Variants in MERTK observed in about 807,000 individuals in gnomAD.
MERTK encodes the protein MER proto-oncogene, tyrosine kinase.
Under a neutral mutation model 99.3 loss-of-function variants are expected in MERTK, and 69 were observed. The observed-to-expected ratio is 0.70, with a 90% CI of 0.57 to 0.85. The LOEUF (loss-of-function observed/expected upper bound fraction) is 0.85. MERTK is among the 40% of genes least tolerant of loss of function. MERTK has a pLI of 0.00. For synonymous variants in MERTK, 426 were observed against 467.6 expected (o/e 0.91, Z 1.15); for missense variants, 1,125 against 1,249.4 (o/e 0.90, Z 1.50).
At chr2:111,940,824 T>C (rs879001672) in intron 2 of MERTK, 67 of 990,080 alleles carry the variant, frequency 6.8e-5, no homozygotes, top group Non-Finnish European at 1.0e-4. Flanking sequence ...CTTGAATCTT[T>C]AAACGACAGT....
At chr2:111,921,470 A>C (rs1024100001) in intron 1 of MERTK, among the ~76,000 whole-genome samples, 1 of 150,796 alleles carries the variant, frequency 6.6e-6, no homozygotes, top group African/African-American at 2.4e-5. Flanking sequence ...ACTGCACTCC[A>C]GCCTGGGCTG....
intron 1 of MERTK, among the ~76,000 whole-genome samples, chr2:111,913,679 G>A (rs1261716842): frequency 6.6e-6 from 1 of 152,146 alleles, no homozygotes; most frequent in Non-Finnish European, 1.5e-5. Flanking sequence ...GAGTAGCTGG[G>A]ATTACAGGCG....
In MERTK at chr2:112,000,196, CG is replaced by C. The variant is rs1382951682; in HGVS notation, c.1605-1004del. On this transcript the variant is annotated intron_variant, in intron 10 of 18. Transcript: ENST00000295408. ...TTGCTTCAGGCCATCTGGGTGTATA[CG>C]TGCAGGTCACAGGGGATATGATGGC... Among the ~76,000 whole-genome samples the C allele has an allele frequency of 5.3e-5, 8 of 152,294 alleles. No homozygotes were observed. In the South Asian group the frequency reaches 1.5e-3, roughly 28 times the overall value.
intron 18 of MERTK, among the ~76,000 whole-genome samples, chr2:112,026,889 C>T (rs151314949): frequency 2.0e-5 from 3 of 152,228 alleles, no homozygotes; most frequent in Non-Finnish European, 2.9e-5. Flanking sequence ...TATTTCTGTT[C>T]GTAAGATGCT....
chr2:111,953,093 T>G (rs910687171), intron 4 of MERTK, among the ~76,000 whole-genome samples: 1 of 152,182 alleles, frequency 6.6e-6, no homozygotes, highest in Admixed American at 6.5e-5. Flanking sequence ...AGGAGAGCAC[T>G]TGCGGCAGCA....
At chr2:111,913,519 T>A (rs964239982) in intron 1 of MERTK, among the ~76,000 whole-genome samples, 1 of 152,218 alleles carries the variant, frequency 6.6e-6, no homozygotes, top group Non-Finnish European at 1.5e-5. Flanking sequence ...GAGACTTTTT[T>A]ATAGATTCCT....
Position 112,010,079 on chromosome 2 carries a change from TTG to T in MERTK, c.2079+17_2079+18del, listed in dbSNP as rs1301133273. On this transcript the variant is annotated intron_variant, in intron 15 of 18. Transcript: ENST00000295408. ...GACAGGACCAAAGGTAATGATCTCC[TTG>T]TGTTACCCCTGAACACTTCTCAGGG... The T allele has an allele frequency of 6.4e-7, 1 of 1,556,302 alleles. No individual in the cohort carries two copies. Among genetic ancestry groups the T allele is most frequent in the Non-Finnish European group, 8.9e-7 (1 of 1,127,746 alleles).
chr2:112,010,361 C>T (rs770083820), intron 15 of MERTK: 120 of 373,386 alleles, frequency 3.2e-4, no homozygotes, highest in Non-Finnish European at 5.4e-4. Flanking sequence ...CTTCACAACC[C>T]TCATGGCCGC....
intron 15 of MERTK, among the ~76,000 whole-genome samples, chr2:112,016,989 A>G (rs1677229198): frequency 6.6e-6 from 1 of 152,170 alleles, no homozygotes; most frequent in Non-Finnish European, 1.5e-5. Flanking sequence ...GATGGCATGG[A>G]CCCAAAGAGT....
At chr2:111,941,443 T>C (rs1022529944) in intron 2 of MERTK, among the ~76,000 whole-genome samples, 5 of 152,200 alleles carry the variant, frequency 3.3e-5, no homozygotes, top group Admixed American at 3.3e-4. Flanking sequence ...TCTTCAGTGC[T>C]GGGGCACTTT....
intron 4 of MERTK, chr2:111,952,701 A>G (rs775408747): frequency 7.2e-5 from 11 of 152,168 alleles, no homozygotes; most frequent in Admixed American, 3.3e-4. Flanking sequence ...TTATTGTTCC[A>G]GTTTTAGTGT....
chr2:112,004,645 C>T (rs908032367), intron 13 of MERTK, among the ~76,000 whole-genome samples: 2 of 152,174 alleles, frequency 1.3e-5, no homozygotes, highest in Admixed American at 6.5e-5. Flanking sequence ...GGCACGGTGG[C>T]TCACGCCTGG....
At chr2:111,933,850 C>A (rs1684717733) in intron 2 of MERTK, among the ~76,000 whole-genome samples, 2 of 151,872 alleles carry the variant, frequency 1.3e-5, no homozygotes. Context: ...AGGTATTTCT[C>A]CTAATGCTAT....
chr2:111,964,039 C>CTTTTTTTTTTTTT (rs1553451938), intron 4 of MERTK, among the ~76,000 whole-genome samples: 3 of 40,500 alleles, frequency 7.4e-5, no homozygotes, highest in Non-Finnish European at 1.2e-4. Flanking sequence ...CAAAAATTTT[C>CTTTTTTTTTTTTT]TTTCTTTTTT....
In MERTK at chr2:111,959,596, G is replaced by C. The variant is rs139945581; in HGVS notation, c.758-5595G>C. 6.5e-3 allele frequency among the ~76,000 whole-genome samples: 983 copies of C among 152,150 alleles called. 13 individuals are homozygous for C. The highest frequency in any genetic ancestry group is 0.023 in the African/African-American group (947 of 41,492). On this transcript the variant is annotated intron_variant, in intron 4 of 18. Coordinates refer to ENST00000295408, the MANE Select transcript of MERTK (RefSeq NM_006343.3). ...TCAGGTGATTCAGCCATCTCAACCTGCCAAGTAGCTGGGAATACAGGTGCA... is the reference window on the plus strand; with the variant it reads ...TCAGGTGATTCAGCCATCTCAACCTCCCAAGTAGCTGGGAATACAGGTGCA...
At position 111,925,445 on chromosome 2, in the gene MERTK, G is replaced by A. The variant is rs1267765583; in HGVS notation, c.62-3675G>A. ...GCCTCCTGAGTAGCTGGGATTACAG[G>A]CACCCACCACTACGCTTGGCTAAAT... On this transcript the variant is annotated intron_variant, in intron 1 of 18. Coordinates refer to ENST00000295408, the MANE Select transcript of MERTK (RefSeq NM_006343.3). 2.7e-5 allele frequency among the ~76,000 whole-genome samples: 4 copies of A among 150,722 alleles called. No individual in the cohort carries two copies. The East Asian group carries it at 7.8e-4, about 29-fold the overall frequency.
chr2:111,983,461 G>A (rs1242990004), intron 8 of MERTK, among the ~76,000 whole-genome samples: 1 of 152,218 alleles, frequency 6.6e-6, no homozygotes, highest in Admixed American at 6.5e-5. Context: ...ATGGCAAGAA[G>A]TAAGCAGACA....
chr2:111,929,658 C>T (rs1323356786), intron 2 of MERTK, 118 bp downstream of exon 2: 1 of 782,344 alleles, frequency 1.3e-6, no homozygotes, highest in Non-Finnish European at 1.8e-6. Context: ...ACGATCTCAG[C>T]TCATTGCAAC....
chr2:111,954,318 C>T (rs1303012337), intron 4 of MERTK, among the ~76,000 whole-genome samples: 1 of 152,214 alleles, frequency 6.6e-6, no homozygotes, highest in Admixed American at 6.5e-5. Context: ...GTTCACTTGA[C>T]ACACAGATCA....
Sources: allele counts gnomAD v4.1 joint callset (sites outside exome capture counted in the v4.1 genomes callset), GRCh38; gene constraint gnomAD v4.1.1; transcripts MANE v1.5; gene names NCBI Gene and HGNC (gene_info 2026-07-23, HGNC 2026-07-21).